The following TSPAN14 variants were observed in gnomAD, a reference collection of about 807,000 sequenced individuals.
The protein encoded by TSPAN14 is tetraspanin 14.
TSPAN14 carries 16 observed loss-of-function variants against 36.6 expected under a neutral mutation model. The observed-to-expected ratio is 0.44, with a 90% confidence interval of 0.30 to 0.66. The LOEUF (loss-of-function observed/expected upper bound fraction) is 0.66. Among genes scored for constraint, TSPAN14 ranks in the 30% least tolerant of loss-of-function variants. The pLI, the probability that TSPAN14 is intolerant of heterozygous loss-of-function variation, is 0.12. For synonymous variants in TSPAN14, 139 were observed against 143.8 expected (o/e 0.97, Z 0.24); for missense variants, 231 against 355.1 (o/e 0.65, Z 2.81).
chr10:80,465,447 G>A (rs1164733314), intron 1 of TSPAN14, among the ~76,000 whole-genome samples: 6 of 152,222 alleles, frequency 3.9e-5, no homozygotes, highest in African/African-American at 1.4e-4. Flanking sequence ...CAGGCAGCCA[G>A]CACACAGCGC....
intron 1 of TSPAN14, chr10:80,468,670 GT>G (rs1228494284): frequency 1.3e-5 from 2 of 151,756 alleles, no homozygotes; most frequent in East Asian, 3.9e-4. Context: ...CTGAATCAGA[GT>G]TTGCATTGTT....
At chr10:80,514,634 C>T (rs1043698180) in intron 7 of TSPAN14, among the ~76,000 whole-genome samples, 6 of 152,098 alleles carry the variant, frequency 3.9e-5, no homozygotes, top group Non-Finnish European at 5.9e-5. Context: ...GGAGGAGTCT[C>T]GAGGAATCTT....
At chr10:80,517,738 G>T (rs1211182084) in intron 8 of TSPAN14, among the ~76,000 whole-genome samples, 167 bp from the exon 9 acceptor site, 1 of 152,142 alleles carries the variant, frequency 6.6e-6, no homozygotes, top group Middle Eastern at 3.2e-3. Context: ...TGCGGGAGGG[G>T]TGGCTGTGCT....
rs150941882 is a variant in TSPAN14 at position 80,506,314 on chromosome 10, G to C, written c.133-914G>C. Among the ~76,000 whole-genome samples, 3 of 152,330 alleles carry C rather than the reference G, an allele frequency of 2.0e-5. No homozygotes were observed. In the East Asian group the frequency reaches 5.8e-4, roughly 29 times the overall value. On this transcript the variant is annotated intron_variant, in intron 3 of 8. Coordinates refer to ENST00000429989, the Ensembl canonical transcript of TSPAN14. ...ATGCTTAGTCACAATGTTCTGATTA[G>C]TTGAGGCGGTCTTTTTCTTTCAGGA...
At chr10:80,484,764 A>G (rs1847498467) in intron 1 of TSPAN14, among the ~76,000 whole-genome samples, 2 of 152,096 alleles carry the variant, frequency 1.3e-5, no homozygotes, top group Non-Finnish European at 2.9e-5. Context: ...TTATCTGTTC[A>G]GGCTTGGTAG....
chr10:80,510,766 C>T (rs983445824), intron 5 of TSPAN14, among the ~76,000 whole-genome samples: 3 of 151,768 alleles, frequency 2.0e-5, no homozygotes, highest in South Asian at 2.1e-4. Context: ...CCCAGCTACT[C>T]GGGAGGCTGA....
At chr10:80,510,061 C>T (rs1378228479) in intron 5 of TSPAN14, 3 of 153,070 alleles carry the variant, frequency 2.0e-5, no homozygotes, top group African/African-American at 7.2e-5. Context: ...CCCCATCCCT[C>T]TTATCTCTCT....
chr10:80,506,350 T>A (rs1332977159), intron 3 of TSPAN14, among the ~76,000 whole-genome samples: 1 of 152,238 alleles, frequency 6.6e-6, no homozygotes, highest in Non-Finnish European at 1.5e-5. Flanking sequence ...AAGGTATGTT[T>A]AACATTCCAC....
intron 1 of TSPAN14, among the ~76,000 whole-genome samples, chr10:80,476,255 C>T (rs1447354226): frequency 6.6e-6 from 1 of 151,690 alleles, no homozygotes; most frequent in African/African-American, 2.4e-5. Context: ...CTCCTGTAGT[C>T]CCAGCTACTT....
At chr10:80,474,932 G>A (rs1187749891) in intron 1 of TSPAN14, among the ~76,000 whole-genome samples, 2 of 152,142 alleles carry the variant, frequency 1.3e-5, no homozygotes, top group Non-Finnish European at 2.9e-5. Context: ...CAGGATCTTA[G>A]TGAAATGCAG....
Position 80,509,696 on chromosome 10 carries a change from G to A in TSPAN14, c.450+225G>A. On this transcript the variant is annotated intron_variant, in intron 5 of 8. Transcript: ENST00000429989. This position sits in a 1 kb window ranked among gnomAD's most constrained non-coding sequence, Gnocchi z 4.7. ...TTTCCCATTGGGATTGGGCAGGCAA[G>A]TCCAGCTGTACCCGAGGCCACCCAC... 2 of 554,632 alleles carry A rather than the reference G, an allele frequency of 3.6e-6. No homozygotes were observed. The highest frequency in any genetic ancestry group is 6.3e-6 in the Non-Finnish European group (2 of 316,108). The allele number at this position is 554,632 out of a possible 1,614,324, so 34.4% of individuals were successfully genotyped here.
At chr10:80,486,662 T>A (rs1012615868) in intron 1 of TSPAN14, among the ~76,000 whole-genome samples, 17 of 152,182 alleles carry the variant, frequency 1.1e-4, no homozygotes, top group Non-Finnish European at 2.4e-4. Context: ...GGGCACAGCC[T>A]TCTACTTTCC....
intron 5 of TSPAN14, among the ~76,000 whole-genome samples, chr10:80,510,846 C>G (rs1039168694): frequency 6.6e-5 from 10 of 152,094 alleles, no homozygotes; most frequent in Non-Finnish European, 1.3e-4. Context: ...TGCAGTCCAG[C>G]CTGGTCAACA....
intron 1 of TSPAN14, among the ~76,000 whole-genome samples, chr10:80,469,249 C>G (rs894224062): frequency 3.9e-5 from 6 of 152,130 alleles, no homozygotes; most frequent in Non-Finnish European, 8.8e-5. Flanking sequence ...CTGCCCTGTT[C>G]CAGCTGGAGA....
chr10:80,460,895 C>T (rs1016885695), intron 1 of TSPAN14, among the ~76,000 whole-genome samples: 2 of 152,160 alleles, frequency 1.3e-5, no homozygotes, highest in African/African-American at 4.8e-5. Context: ...GTTCTCGCTC[C>T]CGCCTCCATC....
intron 3 of TSPAN14, among the ~76,000 whole-genome samples, chr10:80,506,116 C>T (rs1308662963): frequency 6.6e-6 from 1 of 152,202 alleles, no homozygotes; most frequent in African/African-American, 2.4e-5. Flanking sequence ...GGATTACAGG[C>T]ATGTGCCACC....
chr10:80,505,158 GAGCAGGC>G (rs1048003346), intron 3 of TSPAN14, among the ~76,000 whole-genome samples: 74 of 152,244 alleles, frequency 4.9e-4, no homozygotes, highest in African/African-American at 1.6e-3. Flanking sequence ...GGATGAGAAA[GAGCAGGC>G]AGCAGGGAGC....
chr10:80,468,920 C>T (rs1325379743), intron 1 of TSPAN14, among the ~76,000 whole-genome samples: 1 of 152,140 alleles, frequency 6.6e-6, no homozygotes, highest in Non-Finnish European at 1.5e-5. Context: ...ATGCTTGCCC[C>T]TTCGCTTTGT....
At chr10:80,522,388 G>C (rs1231431263) in exon 9 of TSPAN14, 1 of 152,164 alleles carries the variant, frequency 6.6e-6, no homozygotes, top group East Asian at 1.9e-4. Context: ...ATGTGCACCT[G>C]TAGTCCCAGC....
Sources: allele counts gnomAD v4.1 joint callset (sites outside exome capture counted in the v4.1 genomes callset), GRCh38; gene constraint gnomAD v4.1.1; non-coding constraint Gnocchi (gnomAD v3.1); transcripts MANE v1.5; gene names NCBI Gene and HGNC (gene_info 2026-07-23, HGNC 2026-07-21).